The following CCDC81 variants were observed in gnomAD, a reference collection of about 807,000 sequenced individuals.
CCDC81 encodes the protein coiled-coil domain containing 81, also known as coiled-coil domain-containing protein 81.
In CCDC81, 79 loss-of-function variants were observed where a neutral mutation model predicts 83.7. The observed-to-expected ratio is 0.94, with a 90% CI of 0.79 to 1.14. The LOEUF (loss-of-function observed/expected upper bound fraction) is 1.14. CCDC81 is among the 50% of genes most tolerant of loss of function. The pLI is 0.00. For synonymous variants in CCDC81, 252 were observed against 278.1 expected (o/e 0.91, Z 0.93); for missense variants, 791 against 778.1 (o/e 1.02, Z -0.20).
chr11:86,419,762 C>G (rs1196134472), intron 13 of CCDC81, 166 bp from the exon 14 acceptor site: 10 of 521,250 alleles, frequency 1.9e-5, no homozygotes, highest in Non-Finnish European at 2.4e-5. Flanking sequence ...TATTTGAGAG[C>G]TAGGAATTTC....
At chr11:86,415,364 T>C in intron 13 of CCDC81, 51 bp downstream of exon 13, 2 of 1,434,260 alleles carry the variant, frequency 1.4e-6, no homozygotes, top group Non-Finnish European at 1.9e-6. Flanking sequence ...CTTATTCCGC[T>C]TCCTTTATCT....
intron 4 of CCDC81, among the ~76,000 whole-genome samples, chr11:86,394,054 A>G (rs569740597): frequency 6.6e-6 from 1 of 152,286 alleles, no homozygotes; most frequent in Non-Finnish European, 1.5e-5. Flanking sequence ...TGCTAAGAGG[A>G]TTGCCAACCC....
intron 7 of CCDC81, among the ~76,000 whole-genome samples, chr11:86,404,813 C>T (rs932886963): frequency 1.3e-5 from 2 of 152,148 alleles, no homozygotes; most frequent in Non-Finnish European, 2.9e-5. Context: ...TTATACAATA[C>T]TTAATTCATT....
Position 86,400,682 on chromosome 11 carries a change from C to G in CCDC81, c.762C>G (p.Ile254Met). The change falls in exon 7 of 15, where the codon ATC (isoleucine) becomes ATG (methionine). Residue 254 changes from isoleucine to methionine, a missense_variant. Physicochemically the swap from Ile to Met is conservative, Grantham distance 10 (BLOSUM62 1). Transcript: ENST00000445632. ...QSDKEEGTRD[I>M]SSPKRLRDRQ... The stretch of plus-strand genomic sequence containing the variant: ...CATTCATTCTTTATTCTACAGATAT[C>G]TCATCACCCAAAAGACTTCGAGATA... 6.2e-7 allele frequency: 1 copy of G among 1,606,156 alleles called. No individual in the cohort carries two copies. The highest frequency in any genetic ancestry group is 1.1e-5 in the South Asian group (1 of 90,428).
chr11:86,405,256 T>C (rs1418959553), intron 7 of CCDC81, among the ~76,000 whole-genome samples: 4 of 152,220 alleles, frequency 2.6e-5, no homozygotes, highest in Non-Finnish European at 5.9e-5. Context: ...AATATTTTCC[T>C]TCATCTCTAC....
intron 6 of CCDC81, among the ~76,000 whole-genome samples, chr11:86,398,594 A>G (rs972894962): frequency 2.0e-5 from 3 of 151,766 alleles, no homozygotes; most frequent in Non-Finnish European, 4.4e-5. Flanking sequence ...TCTGTCACTC[A>G]GGCTGGAGTT....
chr11:86,383,611 TTTGA>T (rs904154785), intron 1 of CCDC81, among the ~76,000 whole-genome samples: 16 of 152,318 alleles, frequency 1.1e-4, no homozygotes, highest in Admixed American at 8.5e-4. Flanking sequence ...CATTTCAGTG[TTTGA>T]TTGAAATAAG....
At chr11:86,395,261 G>T in intron 4 of CCDC81, 73 bp from the exon 5 acceptor site, 1 of 1,159,968 alleles carries the variant, frequency 8.6e-7, no homozygotes, top group East Asian at 2.4e-5. Flanking sequence ...TTGCCTATGA[G>T]CCTGCAGTTT....
intron 2 of CCDC81, among the ~76,000 whole-genome samples, chr11:86,386,874 C>T (rs1948248909): frequency 6.6e-6 from 1 of 152,146 alleles, no homozygotes; most frequent in Non-Finnish European, 1.5e-5. Context: ...ATGTGCTCTC[C>T]CCTTTAGACG....
At chr11:86,383,313 A>C (rs1259954168) in intron 1 of CCDC81, among the ~76,000 whole-genome samples, 1 of 152,192 alleles carries the variant, frequency 6.6e-6, no homozygotes, top group Non-Finnish European at 1.5e-5. Context: ...ACTATTCCAT[A>C]TATCAGTATT....
Position 86,414,851 on chromosome 11 carries a change from G to C in CCDC81, c.1454G>C (p.Arg485Thr), listed in dbSNP as rs1426120392. The change falls in exon 12 of 15, where the codon AGA becomes ACA. Residue 485 changes from arginine (R) to threonine (T), a missense_variant. Arg to Thr is a moderately conservative substitution (Grantham distance 71, BLOSUM62 -1). Transcript: ENST00000445632. ...ATGGAAGAAACACAGTGTTACAAGA[G>C]AGCTTTGGATGCACAGGTAAGGGGA... is the stretch of plus-strand genomic sequence containing the variant. The part of the protein sequence containing the change: ...DKMEETQCYK[R>T]ALDAQIKNKP... The C allele has an allele frequency of 6.2e-7, 1 of 1,610,000 alleles. No individual in the cohort carries two copies. Among genetic ancestry groups the C allele is most frequent in the African/African-American group, 1.3e-5 (1 of 74,772 alleles).
chr11:86,387,538 G>A lies in CCDC81; in HGVS notation c.164G>A (p.Gly55Glu), dbSNP rs758080119. ...LHKGVQIPAF[G>E]TFTFIRQKLE... is the part of the protein sequence containing the mutation. ...CAGGGGGTTCAGATTCCAGCATTTG[G>A]AACTTTCACTTTCATAAGACAAAAG... Residue 55 changes from glycine to glutamate, a missense_variant, in exon 3 of 15, where the codon GGA becomes GAA. Transcript: ENST00000445632. 3.1e-6 allele frequency: 5 copies of A among 1,613,898 alleles called. No individual in the cohort carries two copies. In the East Asian group the frequency reaches 6.7e-5, roughly 22 times the overall value.
intron 11 of CCDC81, 125 bp downstream of exon 11, chr11:86,412,684 C>T: frequency 2.4e-6 from 2 of 841,186 alleles, no homozygotes; most frequent in Non-Finnish European, 3.6e-6. Context: ...AGCAAACTAA[C>T]CCAGTTAGCA....
intron 4 of CCDC81, among the ~76,000 whole-genome samples, chr11:86,393,418 T>C (rs10898479): frequency 0.18 from 27,685 of 152,066 alleles, 2,607 homozygotes; most frequent in South Asian, 0.23. Flanking sequence ...CAAAATAGCA[T>C]ACAAGCAGCA....
rs116553796 is a variant in CCDC81 at position 86,403,578 on chromosome 11, A to G, written c.881+2777A>G. 5.4e-3 allele frequency among the ~76,000 whole-genome samples: 828 copies of G among 152,278 alleles called. 6 individuals are homozygous for G. The highest frequency in any genetic ancestry group is 0.019 in the African/African-American group (790 of 41,558). ...TAATAAAATGGAAAAGTGTAGCACA[A>G]TTTAGCAGATCAAGGCAGTAGTCTA... On this transcript the variant is annotated intron_variant, in intron 7 of 14. Coordinates refer to ENST00000445632, the MANE Select transcript of CCDC81 (RefSeq NM_001156474.2).
At chr11:86,418,497 G>GGT (rs768956798) in intron 13 of CCDC81, among the ~76,000 whole-genome samples, 51 of 152,052 alleles carry the variant, frequency 3.4e-4, no homozygotes, top group Admixed American at 7.9e-4. Flanking sequence ...ATGTAGTGTG[G>GGT]GTATATATAT....
intron 14 of CCDC81, among the ~76,000 whole-genome samples, chr11:86,421,531 T>G (rs1400292603): frequency 2.0e-5 from 3 of 152,174 alleles, no homozygotes; most frequent in Admixed American, 6.5e-5. Context: ...AGGATGGTCT[T>G]GATCTCCTGA....
intron 11 of CCDC81, among the ~76,000 whole-genome samples, chr11:86,413,016 A>G (rs1023305459): frequency 6.6e-6 from 1 of 152,092 alleles, no homozygotes; most frequent in African/African-American, 2.4e-5. Flanking sequence ...TACCAGAAGA[A>G]TTGGATCACA....
chr11:86,387,617 G>T lies in CCDC81; in HGVS notation c.243G>T (p.Met81Ile). 3 of 1,611,620 alleles carry T rather than the reference G, an allele frequency of 1.9e-6. No homozygotes were observed. The highest frequency in any genetic ancestry group is 2.5e-6 in the Non-Finnish European group (3 of 1,177,816). ...TAATCCAGAGGCCTGTGTTTATCAT[G>T]GTGGAGAAGCTAGTGCAGATTCATG... is the stretch of plus-strand genomic sequence containing the variant. ...FILIQRPVFIMVEKLVQIHGL... is the reference protein window; with the variant it reads ...FILIQRPVFIIVEKLVQIHGL... The change falls in exon 3 of 15, where the codon ATG becomes ATT. Residue 81 changes from methionine (M) to isoleucine (I), a missense_variant. By Grantham distance (10) the Met-to-Ile change is conservative. Coordinates refer to ENST00000445632, the MANE Select transcript of CCDC81 (RefSeq NM_001156474.2).
Sources: gnomAD v4.1 joint callset for allele counts (sites outside exome capture counted in the v4.1 genomes callset) on GRCh38, gnomAD v4.1.1 for gene constraint, MANE v1.5 for transcripts, NCBI Gene and HGNC (gene_info 2026-07-23, HGNC 2026-07-21) for gene names.